The following CNTNAP2 variants were observed in gnomAD, a reference collection of about 807,000 sequenced individuals.
CNTNAP2 encodes contactin-associated protein-like 2.
A neutral mutation model predicts 155.2 loss-of-function variants in CNTNAP2; 98 were observed. That is an observed-to-expected ratio of 0.63 (90% CI 0.54 to 0.75). The LOEUF (loss-of-function observed/expected upper bound fraction) is 0.75. CNTNAP2 is among the 30% of genes least tolerant of loss of function. The probability of loss-of-function intolerance (pLI) is 0.00; values close to 1 mark genes in which losing one functional copy is unlikely to be tolerated. For synonymous variants in CNTNAP2, 651 were observed against 631.2 expected, an observed-to-expected ratio of 1.03 and a Z score of -0.47; for missense variants, 1,727 against 1,688.1, an observed-to-expected ratio of 1.02 and a Z score of -0.40.
intron 1 of CNTNAP2, among the ~76,000 whole-genome samples, chr7:146,596,227 A>G (rs946510953): frequency 1.3e-5 from 2 of 152,042 alleles, no homozygotes; most frequent in African/African-American, 4.8e-5. Flanking sequence ...TAACAATATC[A>G]TGTGGAAACT....
At chr7:147,508,254 T>A (rs557478198) in intron 11 of CNTNAP2, among the ~76,000 whole-genome samples, 14 of 152,262 alleles carry the variant, frequency 9.2e-5, no homozygotes, top group African/African-American at 3.1e-4. Context: ...ATCAACTTAT[T>A]CTTTCTGCCC....
At chr7:146,690,740 C>T (rs1373507383) in intron 1 of CNTNAP2, among the ~76,000 whole-genome samples, 3 of 152,090 alleles carry the variant, frequency 2.0e-5, no homozygotes, top group African/African-American at 4.8e-5. Flanking sequence ...GGGGAAAATA[C>T]ATCATGATAA....
intron 12 of CNTNAP2, among the ~76,000 whole-genome samples, chr7:147,582,590 T>C (rs1459370921): frequency 6.6e-6 from 1 of 152,144 alleles, no homozygotes; most frequent in Non-Finnish European, 1.5e-5. Context: ...ATCAATTCCC[T>C]CCAGATATTT....
intron 1 of CNTNAP2, among the ~76,000 whole-genome samples, chr7:146,694,732 A>G (rs1324903916): frequency 6.6e-6 from 1 of 152,174 alleles, no homozygotes. Flanking sequence ...TCATGATCAT[A>G]TCTTTACATT....
At chr7:147,329,979 G>C (rs917578449) in intron 9 of CNTNAP2, among the ~76,000 whole-genome samples, 4 of 152,218 alleles carry the variant, frequency 2.6e-5, no homozygotes, top group African/African-American at 7.2e-5. Flanking sequence ...TCCTGGCACA[G>C]AGCCCCTAAG....
intron 14 of CNTNAP2, among the ~76,000 whole-genome samples, chr7:147,920,194 A>G (rs921003592): frequency 2.0e-5 from 3 of 151,554 alleles, no homozygotes; most frequent in Non-Finnish European, 2.9e-5. Flanking sequence ...CGTCTCTACT[A>G]AAAATACAAA....
rs1019488170 is a variant in CNTNAP2, at chr7:146,661,966, G to A, written c.98-112305G>A. Among the ~76,000 whole-genome samples the A allele has an allele frequency of 2.0e-5, 3 of 151,956 alleles. No homozygotes were observed. In the East Asian group the frequency reaches 5.8e-4, roughly 29 times the overall value. On this transcript the variant is annotated intron_variant, in intron 1 of 23. Coordinates refer to ENST00000361727, the MANE Select transcript of CNTNAP2 (RefSeq NM_014141.6). ...TGCTTTGCATATTTGTCAGCAATTG[G>A]TATTGTCTCTTTTAAATACAGCCAT... is the stretch of plus-strand genomic sequence containing the variant.
chr7:147,555,498 T>C (rs1374728517), intron 11 of CNTNAP2, among the ~76,000 whole-genome samples: 1 of 152,232 alleles, frequency 6.6e-6, no homozygotes, highest in African/African-American at 2.4e-5. Context: ...AAGCGATTGA[T>C]GGATACGCAA....
intron 3 of CNTNAP2, among the ~76,000 whole-genome samples, chr7:146,871,196 A>G (rs1795298734): frequency 6.6e-6 from 1 of 152,148 alleles, no homozygotes; most frequent in Admixed American, 6.6e-5. Flanking sequence ...AGGCACATCT[A>G]GGGGCATTTA....
intron 4 of CNTNAP2, among the ~76,000 whole-genome samples, chr7:147,105,603 A>G (rs1800749911): frequency 6.6e-6 from 1 of 152,182 alleles, no homozygotes; most frequent in South Asian, 2.1e-4. Context: ...TAAAGAGTAC[A>G]TGGTATGTGT....
At chr7:147,938,302 C>A (rs940425182) in intron 14 of CNTNAP2, among the ~76,000 whole-genome samples, 1 of 152,078 alleles carries the variant, frequency 6.6e-6, no homozygotes, top group Admixed American at 6.6e-5. Flanking sequence ...CTAAGACCTA[C>A]TATACACTAA....
chr7:148,128,639 T>C (rs745448363), intron 16 of CNTNAP2, among the ~76,000 whole-genome samples: 1 of 152,226 alleles, frequency 6.6e-6, no homozygotes, highest in Non-Finnish European at 1.5e-5. Context: ...GAATGTACAG[T>C]AGAGGTATCC....
intron 1 of CNTNAP2, among the ~76,000 whole-genome samples, chr7:146,238,614 A>G (rs1799512253): frequency 6.6e-6 from 1 of 152,210 alleles, no homozygotes; most frequent in South Asian, 2.1e-4. Context: ...TGGTCATAAC[A>G]GAGGGAATGC....
At chr7:147,380,831 G>C (rs1796522714) in intron 9 of CNTNAP2, among the ~76,000 whole-genome samples, 1 of 152,122 alleles carries the variant, frequency 6.6e-6, no homozygotes, top group Admixed American at 6.6e-5. Flanking sequence ...AGATAATTGT[G>C]AGTCTAGTTT....
At chr7:147,021,903 G>A (rs1187746539) in intron 3 of CNTNAP2, among the ~76,000 whole-genome samples, 1 of 151,986 alleles carries the variant, frequency 6.6e-6, no homozygotes, top group Admixed American at 6.6e-5. Context: ...CAATCATGAA[G>A]GACACTCATG....
rs536903790 is a variant in CNTNAP2 at position 147,881,801 on chromosome 7, G to A, written c.2099-21764G>A. 1.2e-4 allele frequency among the ~76,000 whole-genome samples: 19 copies of A among 152,148 alleles called. No homozygotes were observed. The South Asian group carries it at 1.5e-3, about 12-fold the overall frequency. ...GCCTGGCCAACAACGGTGAAACCCCGTCTCTATTAAAAATACAAAAATTAG... is the reference window on the plus strand; with the variant it reads ...GCCTGGCCAACAACGGTGAAACCCCATCTCTATTAAAAATACAAAAATTAG... On this transcript the variant is annotated intron_variant, in intron 13 of 23. Coordinates refer to ENST00000361727, the MANE Select transcript of CNTNAP2 (RefSeq NM_014141.6).
At chr7:146,692,029 A>G (rs560633580) in intron 1 of CNTNAP2, among the ~76,000 whole-genome samples, 11 of 152,266 alleles carry the variant, frequency 7.2e-5, no homozygotes, top group African/African-American at 2.6e-4. Flanking sequence ...TAGCTTTAAA[A>G]TGTGTAAAAT....
intron 10 of CNTNAP2, among the ~76,000 whole-genome samples, chr7:147,411,561 T>G (rs1797103242): frequency 6.6e-6 from 1 of 152,214 alleles, no homozygotes; most frequent in Non-Finnish European, 1.5e-5. Flanking sequence ...TCAAACATTC[T>G]GCTCCAGTTT....
chr7:146,894,471 G>T (rs1042591673), intron 3 of CNTNAP2, among the ~76,000 whole-genome samples: 1 of 151,730 alleles, frequency 6.6e-6, no homozygotes, highest in Admixed American at 6.6e-5. Context: ...GTTTTGTTTT[G>T]GTTTTCTCTT....
Sources: allele counts gnomAD v4.1 joint callset (sites outside exome capture counted in the v4.1 genomes callset), GRCh38; gene constraint gnomAD v4.1.1; transcripts MANE v1.5; gene names NCBI Gene and HGNC (gene_info 2026-07-23, HGNC 2026-07-21).